KAT2B: variants seen among roughly 807,000 people sequenced by gnomAD.
The protein encoded by KAT2B is histone acetyltransferase KAT2B.
Under a neutral mutation model 105.9 loss-of-function variants are expected in KAT2B, and 36 were observed. That is an observed-to-expected ratio of 0.34 (90% CI 0.26 to 0.45). The LOEUF (loss-of-function observed/expected upper bound fraction) is 0.45. KAT2B is among the 20% of genes least tolerant of loss of function. The pLI, the probability that KAT2B is intolerant of heterozygous loss-of-function variation, is 1.00. For synonymous variants in KAT2B, 397 were observed against 377.9 expected (o/e 1.05, Z -0.59); for missense variants, 820 against 1,021.6 (o/e 0.80, Z 2.69).
At chr3:20,068,141 T>C (rs2929396) in intron 1 of KAT2B, among the ~76,000 whole-genome samples, 74,556 of 150,596 alleles carry the variant, frequency 0.5, 19,510 homozygotes, top group East Asian at 0.74. Flanking sequence ...GGATTACAGG[T>C]GTGCACCACC....
chr3:20,133,936 T>A (rs1297359162), intron 11 of KAT2B, among the ~76,000 whole-genome samples: 1 of 152,226 alleles, frequency 6.6e-6, no homozygotes, highest in Non-Finnish European at 1.5e-5. Flanking sequence ...TGACAAATTT[T>A]CTTTTATTCT....
chr3:20,121,941 G>T (rs567369221), intron 8 of KAT2B, among the ~76,000 whole-genome samples: 1 of 152,000 alleles, frequency 6.6e-6, no homozygotes, highest in Non-Finnish European at 1.5e-5. Context: ...CTCATTTGGG[G>T]TTGGTTTATT....
At chr3:20,110,672 CAAAAAAA>C (rs55653348) in intron 5 of KAT2B, among the ~76,000 whole-genome samples, 4 of 69,500 alleles carry the variant, frequency 5.8e-5, no homozygotes, top group African/African-American at 2.4e-4. Context: ...GACCCTGTCT[CAAAAAAA>C]AAAAAAAAAA....
At chr3:20,131,202 A>T (rs1477762648) in intron 11 of KAT2B, among the ~76,000 whole-genome samples, 1 of 151,532 alleles carries the variant, frequency 6.6e-6, no homozygotes, top group African/African-American at 2.4e-5. Context: ...TTTTAACAGA[A>T]ATGGTGTTTC....
chr3:20,102,382 T>A (rs561940131), intron 5 of KAT2B, among the ~76,000 whole-genome samples: 10 of 152,198 alleles, frequency 6.6e-5, no homozygotes, highest in Non-Finnish European at 8.8e-5. Context: ...ATACATATTA[T>A]CTTCCAGGTT....
At position 20,118,852 on chromosome 3, in the gene KAT2B, ACAT is replaced by A. The variant is rs1699257299; in HGVS notation, c.1151-742_1151-740del. On this transcript the variant is annotated intron_variant, in intron 7 of 17. Coordinates refer to ENST00000263754, the MANE Select transcript of KAT2B (RefSeq NM_003884.5). ...CTCCTAAATTAGTTGAAAGTTACAA[ACAT>A]CATGCCCCTTTAGTAATTTTGATGT... Among the ~76,000 whole-genome samples the A allele has an allele frequency of 2.7e-5, 4 of 150,586 alleles. No homozygotes were observed. The Admixed American group carries it at 2.7e-4, about 10-fold the overall frequency.
chr3:20,040,627 C>T lies in KAT2B; in HGVS notation c.150C>T (p.Gly50=). ...GCGCCGCTGCCGCCGGGGGCTCGGG[C>T]GCCTGCGGTCCGGCGACGGCAGTGG... is the stretch of plus-strand genomic sequence containing the variant. The part of the protein sequence containing the change: ...SPCAAAAGGS[G]ACGPATAVAA... The change falls in exon 1 of 18, where the codon GGC becomes GGT. Residue 50 remains glycine (G), a synonymous_variant. Coordinates refer to ENST00000263754, the MANE Select transcript of KAT2B (RefSeq NM_003884.5). The T allele has an allele frequency of 7.4e-7, 1 of 1,355,228 alleles. No individual in the cohort carries two copies. The highest frequency in any genetic ancestry group is 9.5e-7 in the Non-Finnish European group (1 of 1,055,678). 84.0% of individuals were successfully genotyped at this position (1,355,228 alleles called of 1,614,324 possible). A position where few individuals can be genotyped will look rare whatever the true frequency, so the allele number is the denominator to read the frequency against.
chr3:20,109,283 CAGATAGATAGATAGATAGAT>C (rs111929078), intron 5 of KAT2B, among the ~76,000 whole-genome samples: 3 of 149,240 alleles, frequency 2.0e-5, no homozygotes, highest in Non-Finnish European at 3.0e-5. Context: ...CCCTCAGCCC[CAGATAGATAGATAGATAGAT>C]AGATAGATAG....
chr3:20,120,529 A>T (rs2125173244), intron 8 of KAT2B, among the ~76,000 whole-genome samples: 1 of 152,218 alleles, frequency 6.6e-6, no homozygotes, highest in Non-Finnish European at 1.5e-5. Context: ...TACCCTGCTG[A>T]CTTCTGCCTC....
chr3:20,126,252 C>A, intron 10 of KAT2B, 139 bp downstream of exon 10: 1 of 691,916 alleles, frequency 1.4e-6, no homozygotes, highest in Non-Finnish European at 2.4e-6. Flanking sequence ...CTTCACCAAG[C>A]TGATTTTCAT....
chr3:20,118,788 G>A (rs1452875566), intron 7 of KAT2B, among the ~76,000 whole-genome samples: 2 of 143,622 alleles, frequency 1.4e-5, no homozygotes, highest in African/African-American at 2.5e-5. Flanking sequence ...ATATTTATAC[G>A]TTATATATAA....
intron 2 of KAT2B, among the ~76,000 whole-genome samples, chr3:20,080,746 C>T (rs1698503982): frequency 6.6e-6 from 1 of 152,156 alleles, no homozygotes; most frequent in Non-Finnish European, 1.5e-5. Flanking sequence ...TTGAATTGTG[C>T]TGTAAGCGTG....
intron 1 of KAT2B, among the ~76,000 whole-genome samples, chr3:20,057,252 G>A (rs190889930): frequency 1.3e-5 from 2 of 152,228 alleles, no homozygotes; most frequent in Admixed American, 6.5e-5. Context: ...TGGGATGGAG[G>A]GCAAGCCTTT....
chr3:20,100,647 T>G (rs1024155609), intron 4 of KAT2B, among the ~76,000 whole-genome samples: 2 of 152,180 alleles, frequency 1.3e-5, no homozygotes, highest in African/African-American at 4.8e-5. Context: ...TTCAGTAAAT[T>G]TTATTTTGCC....
chr3:20,062,841 C>T (rs1698161496), intron 1 of KAT2B, among the ~76,000 whole-genome samples: 1 of 152,112 alleles, frequency 6.6e-6, no homozygotes, highest in African/African-American at 2.4e-5. Flanking sequence ...GGAGAAGTGT[C>T]TGCTCAAGTC....
intron 5 of KAT2B, among the ~76,000 whole-genome samples, chr3:20,105,133 A>G (rs1575136128): frequency 2.6e-5 from 4 of 152,078 alleles, no homozygotes; most frequent in Non-Finnish European, 5.9e-5. Context: ...TGATCTGCCT[A>G]CCTCGTCCTC....
chr3:20,090,151 A>G (rs1559309396), intron 2 of KAT2B, among the ~76,000 whole-genome samples: 1 of 152,180 alleles, frequency 6.6e-6, no homozygotes, highest in Non-Finnish European at 1.5e-5. Flanking sequence ...ATCTGCAGAG[A>G]CAATTTAACT....
At chr3:20,097,414 A>G (rs1698830017) in intron 3 of KAT2B, among the ~76,000 whole-genome samples, 1 of 152,230 alleles carries the variant, frequency 6.6e-6, no homozygotes, top group Non-Finnish European at 1.5e-5. Context: ...CAAAATATTC[A>G]GCATTCTCCC....
intron 4 of KAT2B, among the ~76,000 whole-genome samples, chr3:20,100,653 T>C (rs530141661): frequency 6.6e-6 from 1 of 152,330 alleles, no homozygotes; most frequent in South Asian, 2.1e-4. Flanking sequence ...AAATTTTATT[T>C]TGCCTCCAAA....
Sources: allele counts gnomAD v4.1 joint callset (sites outside exome capture counted in the v4.1 genomes callset), GRCh38; gene constraint gnomAD v4.1.1; transcripts MANE v1.5; gene names NCBI Gene and HGNC (gene_info 2026-07-23, HGNC 2026-07-21).